The following HDAC7 variants were observed in gnomAD, a reference collection of about 807,000 sequenced individuals.
HDAC7 encodes the protein histone deacetylase 7A.
Under a neutral mutation model 115.5 loss-of-function variants are expected in HDAC7, and 26 were observed. That is an observed-to-expected ratio of 0.23 (90% CI 0.16 to 0.31). The LOEUF (loss-of-function observed/expected upper bound fraction) is 0.31, where lower values mean the gene tolerates loss of function less well. Among genes scored for constraint, HDAC7 ranks in the 10% least tolerant of loss-of-function variants. The pLI is 1.00. For missense variants in HDAC7, 1,068 were observed against 1,329.0 expected, an observed-to-expected ratio of 0.80 and a Z score of 3.05; for synonymous variants, 564 against 550.9, an observed-to-expected ratio of 1.02 and a Z score of -0.33.
chr12:47,816,190 C>T (rs1944845204), intron 1 of HDAC7, among the ~76,000 whole-genome samples: 2 of 152,090 alleles, frequency 1.3e-5, no homozygotes, highest in Admixed American at 1.3e-4. Context: ...CCGCGCCCGG[C>T]CCAGGATCTT....
In HDAC7 at chr12:47,798,689, A is replaced by C; in HGVS notation, c.259-37T>G. The C allele has an allele frequency of 6.3e-7, 1 of 1,593,456 alleles. No homozygotes were observed. ...GCCGGCAGCCCAGAAAGGGACAAGG[A>C]GTTGAGGACTGAGACTGGTGTCTAG... On this transcript the variant is annotated intron_variant, in intron 3 of 25. Transcript: ENST00000080059. The surrounding 1 kb of genome is among the most constrained non-coding windows in gnomAD (Gnocchi z 4.3).
At chr12:47,812,299 A>G (rs1295506786) in intron 1 of HDAC7, among the ~76,000 whole-genome samples, 1 of 152,212 alleles carries the variant, frequency 6.6e-6, no homozygotes, top group Non-Finnish European at 1.5e-5. Context: ...GGAATCTGGA[A>G]CAGGGATTTG....
Position 47,795,486 on chromosome 12 carries a change from CA to C in HDAC7, c.1087+100del. The C allele has an allele frequency of 7.1e-7, 1 of 1,405,846 alleles. No individual in the cohort carries two copies. 87.1% of individuals were successfully genotyped at this position (1,405,846 alleles called of 1,614,324 possible). A position where few individuals can be genotyped will look rare whatever the true frequency, so the allele number is the denominator to read the frequency against. ...GGGTGCAGCAGGGCAATGCGCAGGACAGGGGGACAGAGATGGGGAGGAAGGA... is the reference window on the plus strand; with the variant it reads ...GGGTGCAGCAGGGCAATGCGCAGGACGGGGGACAGAGATGGGGAGGAAGGA... On this transcript the variant is annotated intron_variant, in intron 10 of 25. Coordinates refer to ENST00000080059, the MANE Select transcript of HDAC7 (RefSeq NM_015401.5). This position sits in a 1 kb window ranked among gnomAD's most constrained non-coding sequence, Gnocchi z 4.3.
intron 2 of HDAC7, 27 bp downstream of exon 2, chr12:47,802,197 A>G (rs1376676856): frequency 1.9e-6 from 3 of 1,607,772 alleles, no homozygotes; most frequent in South Asian, 2.2e-5. Context: ...ACTCCCTACC[A>G]TGGACTCCCC....
At chr12:47,819,733 A>G (rs2137090950) in intron 1 of HDAC7, 34 bp downstream of exon 1, 1 of 718,608 alleles carries the variant, frequency 1.4e-6, no homozygotes, top group Non-Finnish European at 1.7e-6. Flanking sequence ...TGCCGCGCGC[A>G]GGGCGGGGCG....
At position 47,819,760 on chromosome 12, in the gene HDAC7, T is replaced by A; in HGVS notation, c.19+7A>T. 1.2e-6 allele frequency: 1 copy of A among 843,442 alleles called. No homozygotes were observed. Among genetic ancestry groups the A allele is most frequent in the Non-Finnish European group, 1.4e-6 (1 of 694,868 alleles). The allele number at this position is 843,442 out of a possible 1,614,324, so 52.2% of individuals were successfully genotyped here. A position where few individuals can be genotyped will look rare whatever the true frequency, so the allele number is the denominator to read the frequency against. On this transcript the variant is annotated splice_region_variant and intron_variant, in intron 1 of 25. Transcript: ENST00000080059. ...GGCGGGGCGGGGGGCGGCCGCCCAG[T>A]ACTCACCAGCGCCGGGGCTGTGCAT...
intron 22 of HDAC7, 73 bp downstream of exon 22, chr12:47,786,512 G>C (rs1435421837): frequency 9.5e-7 from 1 of 1,054,170 alleles, no homozygotes; most frequent in African/African-American, 1.6e-5. Context: ...TTTCTGACTT[G>C]GGAGTGCCTC....
rs771310083 is a variant in HDAC7, at chr12:47,788,069, G to A, written c.2331C>T (p.Phe777=). The change falls in exon 20 of 26, where the codon TTC becomes TTT. Residue 777 remains phenylalanine, a synonymous_variant. Transcript: ENST00000080059. ...SLHRHDDGNF[F]PGSGAVDEVG... ...CCTCATCCACAGCCCCACTCCCCGG[G>A]AAGAAGTTGCCGTCGTCATGGCGAT... The A allele has an allele frequency of 1.2e-6, 2 of 1,613,182 alleles. No individual in the cohort carries two copies. Among genetic ancestry groups the A allele is most frequent in the East Asian group, 4.5e-5 (2 of 44,882 alleles).
At chr12:47,809,664 G>A (rs1468313769) in intron 1 of HDAC7, among the ~76,000 whole-genome samples, 1 of 151,958 alleles carries the variant, frequency 6.6e-6, no homozygotes, top group Non-Finnish European at 1.5e-5. Flanking sequence ...TCTGCCTCCC[G>A]GGTTCAAGTG....
intron 14 of HDAC7, 52 bp downstream of exon 14, chr12:47,791,819 C>CCCCCAAAA: frequency 1.3e-6 from 2 of 1,577,302 alleles, no homozygotes; most frequent in Non-Finnish European, 1.7e-6. Flanking sequence ...CCCCTCCCCT[C>CCCCCAAAA]CCATGACTCC....
intron 2 of HDAC7, among the ~76,000 whole-genome samples, chr12:47,801,615 T>C (rs1592675280): frequency 6.6e-6 from 1 of 152,236 alleles, no homozygotes; most frequent in East Asian, 1.9e-4. Context: ...CTGTATATCT[T>C]GCACTCAGTA....
intron 23 of HDAC7, 129 bp downstream of exon 23, chr12:47,785,623 T>C: frequency 7.2e-7 from 1 of 1,381,190 alleles, no homozygotes; most frequent in Non-Finnish European, 9.8e-7. Flanking sequence ...AGGCTTCCGC[T>C]TCGCCTACCT....
At chr12:47,816,251 C>T (rs540097322) in intron 1 of HDAC7, among the ~76,000 whole-genome samples, 55 of 152,046 alleles carry the variant, frequency 3.6e-4, no homozygotes, top group African/African-American at 1.2e-3. Context: ...TCCAGGAACC[C>T]GCATTTGAGA....
rs1943966347 is a variant in HDAC7, at chr12:47,798,131, G to A, written c.438C>T (p.Pro146=). 3 of 1,613,620 alleles carry A rather than the reference G, an allele frequency of 1.9e-6. No homozygotes were observed. Among genetic ancestry groups the A allele is most frequent in the Non-Finnish European group, 2.5e-6 (3 of 1,179,706 alleles). The change falls in exon 5 of 26, where the codon CCC becomes CCT. Residue 146 remains proline (P), a synonymous_variant. Coordinates refer to ENST00000080059, the MANE Select transcript of HDAC7 (RefSeq NM_015401.5). This position sits in a 1 kb window ranked among gnomAD's most constrained non-coding sequence, Gnocchi z 4.3. ...QQAALERTVH[P]NSPGIPYRTL... ...ACCTGTAGGGAATGCCGGGGCTGTTGGGATGGACTGTTCTTTCTAGGGCCG... is the reference window on the plus strand; with the variant it reads ...ACCTGTAGGGAATGCCGGGGCTGTTAGGATGGACTGTTCTTTCTAGGGCCG...
intron 14 of HDAC7, 69 bp downstream of exon 14, chr12:47,791,801 GC>G (rs1943538079): frequency 5.3e-6 from 8 of 1,511,436 alleles, no homozygotes; most frequent in East Asian, 4.7e-5. Context: ...GGGCCCCAGG[GC>G]CCCCCACCCC....
At chr12:47,785,538 AG>A in intron 23 of HDAC7, 67 bp from the exon 24 acceptor site, 11 of 1,493,592 alleles carry the variant, frequency 7.4e-6, no homozygotes, top group Non-Finnish European at 1.0e-5. Context: ...CTCCCACCCC[AG>A]GGGCCCCAGC....
Position 47,797,098 on chromosome 12 carries a change from G to C in HDAC7, c.622C>G (p.Leu208Val). 1 of 1,608,818 alleles carries C rather than the reference G, an allele frequency of 6.2e-7. No individual in the cohort carries two copies. ...AGCAGTGGATTCTTCCTCCGCTCCA[G>C]GGACTTCTTGGGCTTATAGCGCAGC... ...LKLRYKPKKS[L>V]ERRKNPLLRK... The change falls in exon 7 of 26, where the codon CTG becomes GTG. Residue 208 changes from leucine to valine, a missense_variant. Leu to Val is a conservative substitution (Grantham distance 32). Around this residue, in one of 6 missense-constraint regions of HDAC7, gnomAD observed 618 missense variants for 701.5 expected, o/e 0.88. Transcript: ENST00000080059. The surrounding 1 kb of genome is among the most constrained non-coding windows in gnomAD (Gnocchi z 5.5).
At position 47,798,153 on chromosome 12, in the gene HDAC7, G is replaced by A; in HGVS notation, c.416C>T (p.Ala139Val). ...AEVILKKQQA[A>V]LERTVHPNSP... ...GTTGGGATGGACTGTTCTTTCTAGG[G>A]CCGCCTGCTGTTTTTTCAGAATCAC... The change falls in exon 5 of 26, where the codon GCC (alanine) becomes GTC (valine). Residue 139 changes from alanine to valine, a missense_variant. Ala to Val is a moderately conservative substitution (Grantham distance 64). Around this residue, in one of 6 missense-constraint regions of HDAC7, gnomAD observed 618 missense variants for 701.5 expected, o/e 0.88. Coordinates refer to ENST00000080059, the MANE Select transcript of HDAC7 (RefSeq NM_015401.5). The surrounding 1 kb of genome is among the most constrained non-coding windows in gnomAD (Gnocchi z 4.3). The A allele has an allele frequency of 1.2e-6, 2 of 1,613,852 alleles. No individual in the cohort carries two copies. Among genetic ancestry groups the A allele is most frequent in the South Asian group, 2.2e-5 (2 of 91,070 alleles).
chr12:47,793,316 G>A lies in HDAC7; in HGVS notation c.1678+53C>T, dbSNP rs1473615293. 7 of 1,331,742 alleles carry A rather than the reference G, an allele frequency of 5.3e-6. No homozygotes were observed. The highest frequency in any genetic ancestry group is 2.9e-5 in the African/African-American group (2 of 68,228). The allele number at this position is 1,331,742 out of a possible 1,614,324, so 82.5% of individuals were successfully genotyped here. On this transcript the variant is annotated intron_variant, in intron 13 of 25. Transcript: ENST00000080059. The surrounding 1 kb of genome is among the most constrained non-coding windows in gnomAD (Gnocchi z 4.5). ...CAAGTGACACCAAGACACCCACATG[G>A]ACTCGTGCAGCCGAGCCCCTCCCTC...
Sources: gnomAD v4.1 joint callset for allele counts (sites outside exome capture counted in the v4.1 genomes callset) on GRCh38, gnomAD v4.1.1 for gene constraint, gnomAD v4.1.1 regional missense constraint, Gnocchi (gnomAD v3.1) non-coding constraint, MANE v1.5 for transcripts, NCBI Gene and HGNC (gene_info 2026-07-23, HGNC 2026-07-21) for gene names.